GNAO1: variants seen among roughly 807,000 people sequenced by gnomAD.
The protein encoded by GNAO1 is G protein subunit alpha o1, also known as guanine nucleotide-binding protein G(o) subunit alpha.
For missense variants in GNAO1, 166 were observed against 478.7 expected (o/e 0.35, Z 6.10); for synonymous variants, 164 against 180.7 (o/e 0.91, Z 0.74).
intron 2 of GNAO1, among the ~76,000 whole-genome samples, chr16:56,195,099 C>G (rs1247589550): frequency 7.0e-6 from 1 of 143,072 alleles, no homozygotes; most frequent in Non-Finnish European, 1.5e-5. Flanking sequence ...TTTTTCCAAC[C>G]TTACAGGACA....
chr16:56,242,315 A>G (rs2036701143), intron 2 of GNAO1, among the ~76,000 whole-genome samples: 1 of 152,224 alleles, frequency 6.6e-6, no homozygotes, highest in Admixed American at 6.5e-5. Flanking sequence ...AGAAATTGAC[A>G]AGCTGATTCT....
chr16:56,332,052 C>T (rs1256781334), intron 4 of GNAO1, among the ~76,000 whole-genome samples: 1 of 152,204 alleles, frequency 6.6e-6, no homozygotes, highest in African/African-American at 2.4e-5. Context: ...TCTGACCACT[C>T]ACACCCTCCA....
chr16:56,239,218 A>C (rs2036671085), intron 2 of GNAO1, among the ~76,000 whole-genome samples: 1 of 152,234 alleles, frequency 6.6e-6, no homozygotes, highest in Non-Finnish European at 1.5e-5. Context: ...TGCCCAGTTC[A>C]TCAGCCAATT....
chr16:56,334,367 T>C (rs533974768), intron 4 of GNAO1, among the ~76,000 whole-genome samples: 75 of 152,352 alleles, frequency 4.9e-4, no homozygotes, highest in African/African-American at 1.8e-3. Flanking sequence ...ACATGAAACA[T>C]GGTTACACAT....
chr16:56,345,787 C>T (rs141953991), intron 6 of GNAO1: 29 of 985,576 alleles, frequency 2.9e-5, no homozygotes, highest in Middle Eastern at 5.2e-4. Context: ...TCAGCAGCAC[C>T]ACGCTGGGTG....
chr16:56,291,053 A>G (rs2037227587), intron 3 of GNAO1, among the ~76,000 whole-genome samples: 1 of 152,218 alleles, frequency 6.6e-6, no homozygotes, highest in South Asian at 2.1e-4. Flanking sequence ...CCTTTTGGCT[A>G]CTATGAATAA....
intron 6 of GNAO1, among the ~76,000 whole-genome samples, chr16:56,341,701 G>A (rs532496240): frequency 1.1e-3 from 169 of 152,338 alleles, no homozygotes; most frequent in Middle Eastern, 6.8e-3. Flanking sequence ...CCTGACCATG[G>A]GGTGGGCGGG....
intron 3 of GNAO1, among the ~76,000 whole-genome samples, chr16:56,325,125 G>A (rs1213115567): frequency 2.6e-5 from 4 of 152,130 alleles, no homozygotes; most frequent in East Asian, 1.9e-4. Context: ...TCTCTCCTCC[G>A]GCCTAATCAG....
chr16:56,318,057 G>T (rs892250559), intron 3 of GNAO1, among the ~76,000 whole-genome samples: 2 of 152,178 alleles, frequency 1.3e-5, no homozygotes, highest in African/African-American at 2.4e-5. Context: ...ACGTGCGCCC[G>T]GGGTGGCAAT....
At position 56,326,809 on chromosome 16, in the gene GNAO1, G is replaced by T. The variant is rs902538123; in HGVS notation, c.304-1822G>T. Among the ~76,000 whole-genome samples, 2 of 152,234 alleles carry T rather than the reference G, an allele frequency of 1.3e-5. No homozygotes were observed. The highest frequency in any genetic ancestry group is 2.9e-5 in the Non-Finnish European group (2 of 68,028). On this transcript the variant is annotated intron_variant, in intron 3 of 8. Coordinates refer to ENST00000262493, the MANE Select transcript of GNAO1 (RefSeq NM_020988.3). The surrounding 1 kb of genome is among the most constrained non-coding windows in gnomAD (Gnocchi z 4.8). ...CCTGCTCTGCTCTCACCTACTCTGC[G>T]TTGGACATTAAAGGCTGTGGCTGCC...
chr16:56,210,139 A>G (rs762065336), intron 2 of GNAO1, among the ~76,000 whole-genome samples: 4 of 152,216 alleles, frequency 2.6e-5, no homozygotes, highest in Non-Finnish European at 5.9e-5. Flanking sequence ...AGTTGGAATC[A>G]TACAGTTGGA....
At chr16:56,338,377 G>C (rs1263227548) in intron 6 of GNAO1, among the ~76,000 whole-genome samples, 2 of 152,184 alleles carry the variant, frequency 1.3e-5, no homozygotes, top group Non-Finnish European at 2.9e-5. Context: ...TGCGCTTCCT[G>C]GGCCGTGCTT....
intron 6 of GNAO1, chr16:56,343,808 A>G (rs1235826058): frequency 1.2e-6 from 2 of 1,613,848 alleles, no homozygotes; most frequent in East Asian, 4.5e-5. Flanking sequence ...CAGGCCCAGT[A>G]CGAGAGCAAG....
intron 3 of GNAO1, among the ~76,000 whole-genome samples, chr16:56,324,347 C>T (rs539298158): frequency 2.0e-5 from 3 of 152,308 alleles, no homozygotes; most frequent in Admixed American, 6.5e-5. Flanking sequence ...GCCTCGCAGG[C>T]GTCCCCAACC....
intron 6 of GNAO1, 46 bp downstream of exon 6, chr16:56,336,906 G>T: frequency 6.4e-7 from 1 of 1,569,022 alleles, no homozygotes. Context: ...CTGAGGAGAC[G>T]GCCGCAGGAT....
At chr16:56,213,468 G>C in intron 2 of GNAO1, 2 of 396,210 alleles carry the variant, frequency 5.0e-6, no homozygotes, top group Non-Finnish European at 8.9e-6. Context: ...CAGGCAAGGG[G>C]CATGAGCGGG....
chr16:56,307,833 G>A (rs980233504), intron 3 of GNAO1: 1 of 152,296 alleles, frequency 6.6e-6, no homozygotes, highest in Admixed American at 6.5e-5. Flanking sequence ...ATGGTGAGAT[G>A]AGCATGAGCT....
At chr16:56,322,445 C>T (rs998999872) in intron 3 of GNAO1, among the ~76,000 whole-genome samples, 2 of 152,208 alleles carry the variant, frequency 1.3e-5, no homozygotes, top group African/African-American at 4.8e-5. Context: ...GCCTGAGCCC[C>T]GTCCCCCAGA....
chr16:56,267,629 C>T lies in GNAO1; in HGVS notation c.162-8302C>T, dbSNP rs1365103042. Among the ~76,000 whole-genome samples, 3 of 152,212 alleles carry T rather than the reference C, an allele frequency of 2.0e-5. No individual in the cohort carries two copies. In the East Asian group the frequency reaches 5.8e-4, roughly 29 times the overall value. ...TTCCTGAGAGGCCGGTCCCACCCTC[C>T]ACCATGCACCTGTACTGTAGGTGCT... On this transcript the variant is annotated intron_variant, in intron 2 of 8. Transcript: ENST00000262493.
Sources: allele counts gnomAD v4.1 joint callset (sites outside exome capture counted in the v4.1 genomes callset), GRCh38; gene constraint gnomAD v4.1.1; non-coding constraint Gnocchi (gnomAD v3.1); transcripts MANE v1.5; gene names NCBI Gene and HGNC (gene_info 2026-07-23, HGNC 2026-07-21).